The following PFAS variants were observed in gnomAD, a reference collection of about 807,000 sequenced individuals.
The protein encoded by PFAS is FGAM synthase.
A neutral mutation model predicts 140.6 loss-of-function variants in PFAS; 97 were observed. That is an observed-to-expected ratio of 0.69 (90% CI 0.59 to 0.82). PFAS has a LOEUF of 0.82. Among genes scored for constraint, PFAS ranks in the 40% least tolerant of loss-of-function variants. PFAS has a pLI of 0.00. For missense variants in PFAS, 1,656 were observed against 1,780.2 expected (o/e 0.93, Z 1.26); for synonymous variants, 679 against 718.8 (o/e 0.94, Z 0.88).
At chr17:8,261,074 C>T (rs145812004) in intron 11 of PFAS, among the ~76,000 whole-genome samples, 7 of 152,320 alleles carry the variant, frequency 4.6e-5, no homozygotes, top group African/African-American at 1.7e-4. Flanking sequence ...TACATTCTCT[C>T]TGGCAGTGTG....
intron 1 of PFAS, among the ~76,000 whole-genome samples, chr17:8,252,717 A>T (rs985933013): frequency 2.0e-5 from 3 of 152,180 alleles, no homozygotes; most frequent in Admixed American, 6.5e-5. Context: ...CCCCAGGCTC[A>T]AGTGATCTTC....
Position 8,267,281 on chromosome 17 carries a change from C to G in PFAS, c.3175+46C>G, listed in dbSNP as rs1394152391. 6.3e-7 allele frequency: 1 copy of G among 1,585,524 alleles called. No individual in the cohort carries two copies. The highest frequency in any genetic ancestry group is 1.7e-5 in the Admixed American group (1 of 59,748). ...GCTCCGCGTCCTGGGGGCACTGAGC[C>G]TGGATGCCTGGGCCTGCCCTCAGAA... On this transcript the variant is annotated intron_variant, in intron 24 of 27. Coordinates refer to ENST00000314666, the MANE Select transcript of PFAS (RefSeq NM_012393.3). This position sits in a 1 kb window ranked among gnomAD's most constrained non-coding sequence, Gnocchi z 4.9.
Position 8,266,284 on chromosome 17 carries a change from T to C in PFAS, c.2752T>C (p.Cys918Arg). ...HDVSDGGLVT[C>R]LLEMAFAGNC... ...TGTCAGTGACGGAGGCCTCGTCACATGCCTGCTGGAGATGGCCTTTGCTGG... is the reference window on the plus strand; with the variant it reads ...TGTCAGTGACGGAGGCCTCGTCACACGCCTGCTGGAGATGGCCTTTGCTGG... Residue 918 changes from cysteine to arginine, a missense_variant, in exon 22 of 28, where the codon TGC becomes CGC. Transcript: ENST00000314666. The surrounding 1 kb of genome is among the most constrained non-coding windows in gnomAD (Gnocchi z 5.0). 1 of 1,614,102 alleles carries C rather than the reference T, an allele frequency of 6.2e-7. No individual in the cohort carries two copies. The highest frequency in any genetic ancestry group is 8.5e-7 in the Non-Finnish European group (1 of 1,179,978).
chr17:8,266,739 C>A lies in PFAS; in HGVS notation c.2822-14C>A. 6.3e-7 allele frequency: 1 copy of A among 1,588,026 alleles called. No homozygotes were observed. Among genetic ancestry groups the A allele is most frequent in the Non-Finnish European group, 8.6e-7 (1 of 1,168,734 alleles). ...CTTCTTGCATCCCCCTGACTCCCCACATTGCTCTCCCAGTCCTGTCTGTGC... is the reference window on the plus strand; with the variant it reads ...CTTCTTGCATCCCCCTGACTCCCCAAATTGCTCTCCCAGTCCTGTCTGTGC... On this transcript the variant is annotated splice_polypyrimidine_tract_variant and intron_variant, in intron 22 of 27. Coordinates refer to ENST00000314666, the MANE Select transcript of PFAS (RefSeq NM_012393.3). The surrounding 1 kb of genome is among the most constrained non-coding windows in gnomAD (Gnocchi z 5.0).
At chr17:8,263,038 G>A (rs774417297) in intron 12 of PFAS, 45 bp downstream of exon 12, 25 of 1,606,928 alleles carry the variant, frequency 1.6e-5, no homozygotes, top group Admixed American at 5.0e-5. Context: ...ATATAACCGG[G>A]CCCCAGGCAT....
Position 8,265,486 on chromosome 17 carries a change from C to A in PFAS, c.2461+18C>A, listed in dbSNP as rs754656679. On this transcript the variant is annotated intron_variant, in intron 19 of 27. Transcript: ENST00000314666. ...GGCTCCTGGTGAGGTGTGGGAGCCCCAGGGAGGGGAGGAGGAACTATGGAG... is the reference window on the plus strand; with the variant it reads ...GGCTCCTGGTGAGGTGTGGGAGCCCAAGGGAGGGGAGGAGGAACTATGGAG... The A allele has an allele frequency of 5.0e-6, 8 of 1,613,024 alleles. No individual in the cohort carries two copies. Among genetic ancestry groups the A allele is most frequent in the African/African-American group, 1.3e-5 (1 of 74,856 alleles).
rs78410359 is a variant in PFAS at position 8,267,512 on chromosome 17, G to A, written c.3268-39G>A. Reference sequence around the variant, plus strand: ...GGGGTGATTGTCCAGCCTCAGCTGCGTGTCCTCCCACCCACACTCCCCCTC... The same window carrying A: ...GGGGTGATTGTCCAGCCTCAGCTGCATGTCCTCCCACCCACACTCCCCCTC... On this transcript the variant is annotated intron_variant, in intron 25 of 27. Transcript: ENST00000314666. This position sits in a 1 kb window ranked among gnomAD's most constrained non-coding sequence, Gnocchi z 4.9. 27,210 of 1,590,350 alleles carry A rather than the reference G, an allele frequency of 0.017. 304 individuals are homozygous for A. Among genetic ancestry groups the A allele is most frequent in the Middle Eastern group, 0.037 (224 of 5,990 alleles).
chr17:8,259,520 G>A (rs951016202), intron 11 of PFAS, among the ~76,000 whole-genome samples: 6 of 152,092 alleles, frequency 3.9e-5, no homozygotes, highest in Non-Finnish European at 5.9e-5. Flanking sequence ...AGTGGCTCAC[G>A]CCTGTAATCC....
At chr17:8,264,063 T>A (rs1162360144) in intron 15 of PFAS, 127 bp downstream of exon 15, 1 of 1,444,536 alleles carries the variant, frequency 6.9e-7, no homozygotes, top group Non-Finnish European at 9.7e-7. Context: ...AAACAAGCTG[T>A]GGGGAATGTT....
intron 18 of PFAS, 46 bp downstream of exon 18, chr17:8,265,171 A>G (rs1340716115): frequency 6.4e-7 from 1 of 1,570,896 alleles, no homozygotes; most frequent in South Asian, 1.1e-5. Flanking sequence ...GGGCTTCAGG[A>G]CCCTTCCACA....
chr17:8,257,819 C>G lies in PFAS; in HGVS notation c.1088C>G (p.Pro363Arg). ...CCTTCCCTCCCAGGTTACAATCTGCCCTGGGAGGATCCAAGCTTCCAGTAT... is the reference window on the plus strand; with the variant it reads ...CCTTCCCTCCCAGGTTACAATCTGCGCTGGGAGGATCCAAGCTTCCAGTAT... ...GNLHIPGYNLPWEDPSFQYPG... is the reference protein window; with the variant it reads ...GNLHIPGYNLRWEDPSFQYPG... The change falls in exon 10 of 28, where the codon CCC (proline) becomes CGC (arginine). Residue 363 changes from proline (P) to arginine (R), a missense_variant. This residue lies in a region of PFAS where 773 missense variants were observed against 757.3 expected (regional missense o/e 1.02). Transcript: ENST00000314666. 6.2e-7 allele frequency: 1 copy of G among 1,613,990 alleles called. No individual in the cohort carries two copies. The highest frequency in any genetic ancestry group is 8.5e-7 in the Non-Finnish European group (1 of 1,179,862).
chr17:8,264,459 C>G lies in PFAS; in HGVS notation c.1918-11C>G, dbSNP rs1989728242. The stretch of plus-strand genomic sequence containing the variant: ...AGGTGTTCACACTGCCTGTCGCTGT[C>G]TGTGTTGCAGGAGTTCTTCCTGCAG... On this transcript the variant is annotated splice_polypyrimidine_tract_variant and intron_variant, in intron 16 of 27. Transcript: ENST00000314666. The G allele has an allele frequency of 6.2e-7, 1 of 1,613,538 alleles. No homozygotes were observed.
chr17:8,257,794 C>T lies in PFAS; in HGVS notation c.1076-13C>T. On this transcript the variant is annotated splice_polypyrimidine_tract_variant and intron_variant, in intron 9 of 27. Transcript: ENST00000314666. ...TCATTCAGTTCATCCAGTTCTCTCTCCTTCCCTCCCAGGTTACAATCTGCC... is the reference window on the plus strand; with the variant it reads ...TCATTCAGTTCATCCAGTTCTCTCTTCTTCCCTCCCAGGTTACAATCTGCC... 1.9e-6 allele frequency: 3 copies of T among 1,613,742 alleles called. No homozygotes were observed. The highest frequency in any genetic ancestry group is 2.5e-6 in the Non-Finnish European group (3 of 1,179,652).
Position 8,258,128 on chromosome 17 carries a change from A to G in PFAS, c.1265A>G (p.Lys422Arg). The G allele has an allele frequency of 6.2e-7, 1 of 1,614,138 alleles. No homozygotes were observed. The highest frequency in any genetic ancestry group is 1.3e-5 in the African/African-American group (1 of 75,054). Residue 422 changes from lysine to arginine, a missense_variant, in exon 11 of 28, where the codon AAG (lysine) becomes AGG (arginine). By Grantham distance (26) the Lys-to-Arg change is conservative. Coordinates refer to ENST00000314666, the MANE Select transcript of PFAS (RefSeq NM_012393.3). ...GACGGCCAGCGGCGTGAGTGGATCA[A>G]GCCCATCATGTTTAGTGGGGGCATT... is the stretch of plus-strand genomic sequence containing the variant. ...LPDGQRREWI[K>R]PIMFSGGIGS...
At chr17:8,257,018 G>A (rs936835992) in intron 9 of PFAS, 55 bp downstream of exon 9, 2 of 1,594,092 alleles carry the variant, frequency 1.3e-6, no homozygotes, top group Non-Finnish European at 1.7e-6. Context: ...TGTCCTGGCA[G>A]GCAGCAAACT....
rs1989651175 is a variant in PFAS, at chr17:8,262,917, C to T, written c.1337-3C>T. 5 of 1,612,878 alleles carry T rather than the reference C, an allele frequency of 3.1e-6. No individual in the cohort carries two copies. The highest frequency in any genetic ancestry group is 1.3e-5 in the African/African-American group (1 of 75,018). On this transcript the variant is annotated splice_polypyrimidine_tract_variant and splice_region_variant and intron_variant, in intron 11 of 27. Coordinates refer to ENST00000314666, the MANE Select transcript of PFAS (RefSeq NM_012393.3). Reference sequence around the variant, plus strand: ...GTTCTGATTCTGCCTTCCCTTCTTACAGGCATGGAAGTTGTAAAGGTTGGA... The same window carrying T: ...GTTCTGATTCTGCCTTCCCTTCTTATAGGCATGGAAGTTGTAAAGGTTGGA...
At position 8,253,837 on chromosome 17, in the gene PFAS, CTTAG is replaced by C. The variant is rs1257611459; in HGVS notation, c.-79-18_-79-15del. 18 of 1,480,524 alleles carry C rather than the reference CTTAG, an allele frequency of 1.2e-5. No individual in the cohort carries two copies. The Admixed American group carries it at 2.9e-4, about 24-fold the overall frequency. The allele number at this position is 1,480,524 out of a possible 1,614,324, so 91.7% of individuals were successfully genotyped here. ...TACAGATGTGAGCCACCACGCCCGG[CTTAG>C]TTAATGTTATTTTTTAGGAACCTAA... is the stretch of plus-strand genomic sequence containing the variant. On this transcript the variant is annotated intron_variant, in intron 1 of 27. Transcript: ENST00000314666.
In PFAS at chr17:8,267,416, A is replaced by G. The variant is rs150678499; in HGVS notation, c.3220A>G (p.Asn1074Asp). The G allele has an allele frequency of 6.2e-7, 1 of 1,614,010 alleles. No individual in the cohort carries two copies. Among genetic ancestry groups the G allele is most frequent in the African/African-American group, 1.3e-5 (1 of 74,930 alleles). The change falls in exon 25 of 28, where the codon AAT becomes GAT. Residue 1074 changes from asparagine to aspartate, a missense_variant. Physicochemically the swap from Asn to Asp is conservative, Grantham distance 23 (BLOSUM62 1). This residue lies in a region of PFAS where 883 missense variants were observed against 1,023.0 expected (regional missense o/e 0.86). Transcript: ENST00000314666. This position sits in a 1 kb window ranked among gnomAD's most constrained non-coding sequence, Gnocchi z 4.9. ...RVAILREEGSNGDREMADAFH... is the reference protein window; with the variant it reads ...RVAILREEGSDGDREMADAFH... ...CGCCATCTTGCGAGAGGAGGGCAGTAATGGAGACCGGGAGATGGCCGATGC... is the reference window on the plus strand; with the variant it reads ...CGCCATCTTGCGAGAGGAGGGCAGTGATGGAGACCGGGAGATGGCCGATGC...
rs768614995 is a variant in PFAS at position 8,269,461 on chromosome 17, T to C, written c.*197T>C. The C allele has an allele frequency of 1.8e-6, 1 of 569,520 alleles. No individual in the cohort carries two copies. Among genetic ancestry groups the C allele is most frequent in the Non-Finnish European group, 3.1e-6 (1 of 320,214 alleles). 35.3% of individuals were successfully genotyped at this position (569,520 alleles called of 1,614,324 possible). A position where few individuals can be genotyped will look rare whatever the true frequency, so the allele number is the denominator to read the frequency against. Reference sequence around the variant, plus strand: ...CTGTGGCTGTGTCTATTTTCAGTTCTGCTCTAACATGGCATGCCCTTTCTC... The same window carrying C: ...CTGTGGCTGTGTCTATTTTCAGTTCCGCTCTAACATGGCATGCCCTTTCTC... On this transcript the variant is annotated 3_prime_UTR_variant, in exon 28 of 28. Coordinates refer to ENST00000314666, the MANE Select transcript of PFAS (RefSeq NM_012393.3).
Sources: gnomAD v4.1 joint callset for allele counts (sites outside exome capture counted in the v4.1 genomes callset) on GRCh38, gnomAD v4.1.1 for gene constraint, gnomAD v4.1.1 regional missense constraint, Gnocchi (gnomAD v3.1) non-coding constraint, MANE v1.5 for transcripts, NCBI Gene and HGNC (gene_info 2026-07-23, HGNC 2026-07-21) for gene names.